Variants in PIP4K2A observed in about 807,000 individuals in gnomAD.
PIP4K2A encodes the protein phosphatidylinositol-5-phosphate 4-kinase type 2 alpha, also known as phosphatidylinositol 5-phosphate 4-kinase type-2 alpha.
In PIP4K2A, 14 loss-of-function variants were observed where a neutral mutation model predicts 42.9. The ratio of observed to expected loss-of-function variants is 0.33; its 90% CI spans 0.22 to 0.51. The LOEUF is 0.51. Among genes scored for constraint, PIP4K2A ranks in the 20% least tolerant of loss-of-function variants. The pLI is 0.97. For synonymous variants in PIP4K2A, 192 were observed against 192.2 expected, an observed-to-expected ratio of 1.00 and a Z score of 0.01; for missense variants, 434 against 519.8, an observed-to-expected ratio of 0.83 and a Z score of 1.61.
At chr10:22,680,318 T>C (rs1422042916) in intron 1 of PIP4K2A, among the ~76,000 whole-genome samples, 1 of 152,224 alleles carries the variant, frequency 6.6e-6, no homozygotes, top group Non-Finnish European at 1.5e-5. Context: ...AAAAGGCTGG[T>C]ATTAATCGTG....
At chr10:22,564,701 C>A (rs950664115) in intron 6 of PIP4K2A, among the ~76,000 whole-genome samples, 1 of 152,142 alleles carries the variant, frequency 6.6e-6, no homozygotes, top group African/African-American at 2.4e-5. Context: ...GGGGTTTAGG[C>A]GAAGGTTGAA....
rs150771571 is a variant in PIP4K2A, at chr10:22,693,391, T to C, written c.144+20792A>G. Reference sequence around the variant, plus strand: ...CATACAAGGATTTCACCATCATCACTAAAAAGAGTCCAAGAGTGATTCTAC... The same window carrying C: ...CATACAAGGATTTCACCATCATCACCAAAAAGAGTCCAAGAGTGATTCTAC... On this transcript the variant is annotated intron_variant, in intron 1 of 9. Transcript: ENST00000376573. 6.6e-5 allele frequency among the ~76,000 whole-genome samples: 10 copies of C among 152,308 alleles called. No homozygotes were observed. In the East Asian group the frequency reaches 1.9e-3, roughly 29 times the overall value.
chr10:22,559,318 C>T (rs1210196810), intron 6 of PIP4K2A, among the ~76,000 whole-genome samples: 3 of 152,196 alleles, frequency 2.0e-5, no homozygotes, highest in African/African-American at 4.8e-5. Flanking sequence ...GAGTTGTTAG[C>T]GTGAAAACAT....
rs1320154670 is a variant in PIP4K2A, at chr10:22,536,175, A to AT, written c.*1025dup. ...CCCATTGTTGAAACAATGGTCAAACATAAACATCTTATAATTCAGATCTGC... is the reference window on the plus strand; with the variant it reads ...CCCATTGTTGAAACAATGGTCAAACATTAAACATCTTATAATTCAGATCTGC... On this transcript the variant is annotated 3_prime_UTR_variant, in exon 10 of 10. Coordinates refer to ENST00000376573, the MANE Select transcript of PIP4K2A (RefSeq NM_005028.5). 3 of 398,420 alleles carry AT rather than the reference A, an allele frequency of 7.5e-6. No homozygotes were observed. The highest frequency in any genetic ancestry group is 6.2e-5 in the African/African-American group (3 of 48,640). 24.7% of individuals were successfully genotyped at this position (398,420 alleles called of 1,614,324 possible). A position where few individuals can be genotyped will look rare whatever the true frequency, so the allele number is the denominator to read the frequency against.
At chr10:22,559,340 A>G (rs1413364669) in intron 6 of PIP4K2A, among the ~76,000 whole-genome samples, 1 of 152,160 alleles carries the variant, frequency 6.6e-6, no homozygotes, top group Non-Finnish European at 1.5e-5. Context: ...CCCATACCTA[A>G]CAGCAGTGCT....
chr10:22,664,128 T>TACATATATATATACATATATATAC (rs1564460041), intron 1 of PIP4K2A, among the ~76,000 whole-genome samples: 2 of 61,738 alleles, frequency 3.2e-5, no homozygotes, highest in South Asian at 3.8e-4. Context: ...TATATATATA[T>TACATATATATATACATATATATAC]ACATATATAT....
intron 1 of PIP4K2A, among the ~76,000 whole-genome samples, chr10:22,689,392 C>A (rs952535383): frequency 2.6e-5 from 4 of 152,134 alleles, no homozygotes; most frequent in African/African-American, 9.7e-5. Flanking sequence ...GTTCCGCATC[C>A]GATGGAAAAT....
intron 6 of PIP4K2A, among the ~76,000 whole-genome samples, chr10:22,558,217 T>G (rs191509265): frequency 6.6e-6 from 1 of 152,358 alleles, no homozygotes; most frequent in Admixed American, 6.5e-5. Flanking sequence ...CCTGATTTAC[T>G]TGTAATTCCA....
At chr10:22,610,585 G>GT (rs1259973629) in intron 1 of PIP4K2A, among the ~76,000 whole-genome samples, 4 of 152,138 alleles carry the variant, frequency 2.6e-5, no homozygotes, top group Admixed American at 6.5e-5. Flanking sequence ...AGAGCTATTT[G>GT]TTTTTTTTAA....
intron 5 of PIP4K2A, among the ~76,000 whole-genome samples, chr10:22,571,275 G>A (rs958540517): frequency 6.6e-6 from 1 of 152,132 alleles, no homozygotes; most frequent in Non-Finnish European, 1.5e-5. Flanking sequence ...AAGCTGCTAG[G>A]CTCCCCTGTA....
intron 6 of PIP4K2A, among the ~76,000 whole-genome samples, chr10:22,554,032 T>C (rs1338175114): frequency 2.0e-5 from 3 of 151,794 alleles, no homozygotes; most frequent in African/African-American, 7.3e-5. Flanking sequence ...TCCCAGCTAT[T>C]TGGGAGGCTG....
At chr10:22,543,324 T>G (rs1337239345) in intron 7 of PIP4K2A, among the ~76,000 whole-genome samples, 1 of 152,168 alleles carries the variant, frequency 6.6e-6, no homozygotes, top group East Asian at 1.9e-4. Context: ...AGCTCCCACT[T>G]CGCTGCCTTC....
chr10:22,677,963 A>C (rs1411207037), intron 1 of PIP4K2A, among the ~76,000 whole-genome samples: 1 of 152,202 alleles, frequency 6.6e-6, no homozygotes, highest in African/African-American at 2.4e-5. Flanking sequence ...GAATCTAAAA[A>C]TACGAAAACA....
chr10:22,714,173 G>C lies in PIP4K2A; in HGVS notation c.144+10C>G. On this transcript the variant is annotated intron_variant, in intron 1 of 9. Transcript: ENST00000376573. ...AGGAAGGGGACCGCGCGCCGCAGCT[G>C]AGCCCTTACCGAGTGGTTTACCCCC... The C allele has an allele frequency of 6.2e-7, 1 of 1,604,232 alleles. No individual in the cohort carries two copies. Among genetic ancestry groups the C allele is most frequent in the South Asian group, 1.1e-5 (1 of 90,434 alleles).
chr10:22,577,701 T>G (rs1837156881), intron 4 of PIP4K2A, among the ~76,000 whole-genome samples: 1 of 152,212 alleles, frequency 6.6e-6, no homozygotes, highest in Non-Finnish European at 1.5e-5. Flanking sequence ...GTCTCTCCAG[T>G]CACACTGCGA....
At chr10:22,538,527 C>T (rs1835998866) in intron 9 of PIP4K2A, among the ~76,000 whole-genome samples, 1 of 152,190 alleles carries the variant, frequency 6.6e-6, no homozygotes, top group African/African-American at 2.4e-5. Flanking sequence ...ACAGGAGCTC[C>T]AAAAGTGTCC....
chr10:22,625,031 A>G (rs1006940551), intron 1 of PIP4K2A, among the ~76,000 whole-genome samples: 2 of 152,228 alleles, frequency 1.3e-5, no homozygotes, highest in African/African-American at 4.8e-5. Context: ...TCAGAATAAA[A>G]TTTTATCATC....
At chr10:22,572,490 T>C (rs1345138857) in intron 5 of PIP4K2A, among the ~76,000 whole-genome samples, 2 of 151,980 alleles carry the variant, frequency 1.3e-5, no homozygotes, top group Non-Finnish European at 2.9e-5. Flanking sequence ...TGGTGGTGCG[T>C]GCCTGTGGTC....
Position 22,537,276 on chromosome 10 carries a change from G to A in PIP4K2A, c.1146C>T (p.Gly382=), listed in dbSNP as rs756647465. The A allele has an allele frequency of 8.1e-6, 13 of 1,597,918 alleles. No individual in the cohort carries two copies. The highest frequency in any genetic ancestry group is 2.3e-5 in the East Asian group (1 of 44,298). The part of the protein sequence containing the change: ...HAAKTVKHGA[G]AEISTVNPEQ... ...CTGGGTTCACGGTGGAGATCTCCGC[G>A]CCAGCCTGGGCAGTTTTTAAAAAAG... Residue 382 remains glycine, a synonymous_variant, in exon 10 of 10, where the codon GGC becomes GGT. Coordinates refer to ENST00000376573, the MANE Select transcript of PIP4K2A (RefSeq NM_005028.5).
Sources: gnomAD v4.1 joint callset for allele counts (sites outside exome capture counted in the v4.1 genomes callset) on GRCh38, gnomAD v4.1.1 for gene constraint, MANE v1.5 for transcripts, NCBI Gene and HGNC (gene_info 2026-07-23, HGNC 2026-07-21) for gene names.